The following TMEM272 variants were observed in gnomAD, a reference collection of about 807,000 sequenced individuals.
The protein encoded by TMEM272 is long intergenic non-protein coding RNA 282.
Under a neutral mutation model 3.7 loss-of-function variants are expected in TMEM272, and 8 were observed. The observed-to-expected ratio is 2.17, with a 90% CI of 1.27 to 3.91. The LOEUF (loss-of-function observed/expected upper bound fraction) is 3.91. TMEM272 is among the 30% of genes most tolerant of loss of function. The pLI is 0.00. For missense variants in TMEM272, 166 were observed against 91.5 expected, an observed-to-expected ratio of 1.81 and a Z score of -3.32; for synonymous variants, 63 against 39.8, an observed-to-expected ratio of 1.58 and a Z score of -2.20.
chr13:51,840,735 T>C (rs1956255603), intron 1 of TMEM272, among the ~76,000 whole-genome samples: 1 of 152,238 alleles, frequency 6.6e-6, no homozygotes, highest in African/African-American at 2.4e-5. Context: ...TAATGAATAA[T>C]TCTATGAACT....
At chr13:51,898,281 C>T in the TMEM272 span, among the ~76,000 whole-genome samples, 1 of 151,640 alleles carries the variant, frequency 6.6e-6, no homozygotes, top group Non-Finnish European at 1.5e-5. Flanking sequence ...TGCAGTGCCC[C>T]TGCTCATAAA....
At chr13:51,913,160 C>T in the TMEM272 span, among the ~76,000 whole-genome samples, 786 of 152,272 alleles carry the variant, frequency 5.2e-3, 5 homozygotes, top group Non-Finnish European at 7.7e-3. Flanking sequence ...TTGAGGACCT[C>T]GGGTTGAAGG....
intron 2 of TMEM272, among the ~76,000 whole-genome samples, chr13:51,837,674 T>G (rs901914120): frequency 2.6e-5 from 4 of 152,202 alleles, no homozygotes; most frequent in Admixed American, 1.3e-4. Context: ...CTGGAGGTGC[T>G]GGCATGCAGC....
intron 2 of TMEM272, 61 bp downstream of exon 2, chr13:51,838,412 C>T (rs911236045): frequency 7.1e-6 from 5 of 702,996 alleles, no homozygotes; most frequent in Non-Finnish European, 1.3e-5. Flanking sequence ...TTTAGCTCAT[C>T]GGGTGATCCC....
At chr13:51,922,667 T>C in the TMEM272 span, among the ~76,000 whole-genome samples, 2 of 152,166 alleles carry the variant, frequency 1.3e-5, no homozygotes, top group African/African-American at 4.8e-5. Flanking sequence ...CCTCTTACCG[T>C]CCCAGAGGTT....
intron 2 of TMEM272, among the ~76,000 whole-genome samples, chr13:51,831,702 C>T (rs559423163): frequency 6.6e-6 from 1 of 152,270 alleles, no homozygotes; most frequent in South Asian, 2.1e-4. Context: ...TCTGGTTACC[C>T]ACTCCTCAGT....
At chr13:51,839,260 C>T (rs926508914) in intron 1 of TMEM272, among the ~76,000 whole-genome samples, 1 of 152,196 alleles carries the variant, frequency 6.6e-6, no homozygotes, top group Non-Finnish European at 1.5e-5. Flanking sequence ...CAGCCATATA[C>T]ATTTTAAATC....
upstream of TMEM272, among the ~76,000 whole-genome samples, chr13:51,846,568 C>A (rs567050306): frequency 6.6e-5 from 10 of 152,266 alleles, no homozygotes; most frequent in South Asian, 2.1e-3. Context: ...TACTCCTTTA[C>A]TTATATATAT....
At chr13:51,852,352 C>T in the TMEM272 span, among the ~76,000 whole-genome samples, 3 of 152,292 alleles carry the variant, frequency 2.0e-5, no homozygotes, top group Non-Finnish European at 2.9e-5. Context: ...TCTTTGTCTG[C>T]TCAATTTCAG....
chr13:51,863,708 C>CACA, the TMEM272 span, among the ~76,000 whole-genome samples: 1,589 of 141,076 alleles, frequency 0.011, 44 homozygotes, highest in East Asian at 0.085. Context: ...CACACACACA[C>CACA]ACCAGCTATG....
the TMEM272 span, among the ~76,000 whole-genome samples, chr13:51,911,912 C>G: frequency 1.3e-5 from 2 of 151,758 alleles, no homozygotes; most frequent in Non-Finnish European, 2.9e-5. Flanking sequence ...CCTTGCCTTT[C>G]CCTGAACACA....
chr13:51,898,587 A>G, the TMEM272 span, among the ~76,000 whole-genome samples: 1 of 150,092 alleles, frequency 6.7e-6, no homozygotes, highest in African/African-American at 2.5e-5. Flanking sequence ...GGGTTAAACT[A>G]AACAATATAT....
chr13:51,915,981 G>T, the TMEM272 span, among the ~76,000 whole-genome samples: 1 of 152,170 alleles, frequency 6.6e-6, no homozygotes, highest in Admixed American at 6.5e-5. Context: ...GCCGAGGCAG[G>T]AGAATCACTT....
rs61957365 is a variant in TMEM272 at position 51,830,923 on chromosome 13, C to T, written c.59-4298G>A. Among the ~76,000 whole-genome samples the T allele has an allele frequency of 6.9e-3, 1,042 of 151,002 alleles. 4 individuals are homozygous for T. The highest frequency in any genetic ancestry group is 7.5e-3 in the South Asian group (36 of 4,798). ...AGATCTAATGAGGCTCACTCTTGCT[C>T]GAGGTCTAATGAGGCTCACTCTTGC... On this transcript the variant is annotated intron_variant, in intron 2 of 4. Transcript: ENST00000629372.
intron 3 of TMEM272, among the ~76,000 whole-genome samples, chr13:51,826,052 C>T (rs1166394396): frequency 6.6e-6 from 1 of 151,624 alleles, no homozygotes; most frequent in African/African-American, 2.4e-5. Flanking sequence ...CCTGCCCCTC[C>T]CCTGACCTTC....
rs1490931528 is a variant in TMEM272 at position 51,815,063 on chromosome 13, A to C, written c.*1688T>G. On this transcript the variant is annotated 3_prime_UTR_variant, in exon 5 of 5. Coordinates refer to ENST00000629372, the MANE Select transcript of TMEM272 (RefSeq NM_001351003.2). ...TGGACTGGGGAAAGGAGGGTGGGAGAGGAGCCCATGGAACTCCTGTCCACC... is the reference window on the plus strand; with the variant it reads ...TGGACTGGGGAAAGGAGGGTGGGAGCGGAGCCCATGGAACTCCTGTCCACC... 6.6e-6 allele frequency: 1 copy of C among 152,590 alleles called. No individual in the cohort carries two copies. Among genetic ancestry groups the C allele is most frequent in the Non-Finnish European group, 1.5e-5 (1 of 68,078 alleles). 9.5% of individuals were successfully genotyped at this position (152,590 alleles called of 1,614,324 possible).
the TMEM272 span, among the ~76,000 whole-genome samples, chr13:51,861,286 AC>A: frequency 2.0e-5 from 3 of 152,192 alleles, no homozygotes; most frequent in South Asian, 6.2e-4. Flanking sequence ...CTAAGGTACA[AC>A]ATGAGGACTG....
chr13:51,859,714 G>A, the TMEM272 span, among the ~76,000 whole-genome samples: 4 of 152,000 alleles, frequency 2.6e-5, no homozygotes, highest in Admixed American at 2.6e-4. Context: ...AATAGCAACA[G>A]CAACAACAAT....
At chr13:51,900,382 C>G in the TMEM272 span, among the ~76,000 whole-genome samples, 1 of 152,166 alleles carries the variant, frequency 6.6e-6, no homozygotes, top group African/African-American at 2.4e-5. Flanking sequence ...GAAAGATGCT[C>G]AACACTAATC....
Sources: gnomAD v4.1 joint callset for allele counts (sites outside exome capture counted in the v4.1 genomes callset) on GRCh38, gnomAD v4.1.1 for gene constraint, MANE v1.5 for transcripts, NCBI Gene and HGNC (gene_info 2026-07-23, HGNC 2026-07-21) for gene names.